PXK: variants seen among roughly 807,000 people sequenced by gnomAD.
PXK encodes PX domain-containing protein kinase-like protein.
PXK carries 35 observed loss-of-function variants against 84.7 expected under a neutral mutation model. The ratio of observed to expected loss-of-function variants is 0.41; its 90% CI spans 0.32 to 0.55. The LOEUF (loss-of-function observed/expected upper bound fraction) is 0.55. Ranked by LOEUF, PXK falls within the 20% of genes least tolerant of loss-of-function variation. PXK has a pLI of 0.21. For missense variants in PXK, 634 were observed against 699.7 expected, an observed-to-expected ratio of 0.91 and a Z score of 1.06; for synonymous variants, 253 against 260.8, an observed-to-expected ratio of 0.97 and a Z score of 0.29.
intron 1 of PXK, among the ~76,000 whole-genome samples, chr3:58,342,634 C>CAAAAAAAAA (rs71091369): frequency 6.2e-5 from 7 of 113,468 alleles, no homozygotes; most frequent in East Asian, 3.0e-4. Context: ...GACTCTGTCT[C>CAAAAAAAAA]AAAAAAAAAA....
rs1461003699 is a variant in PXK at position 58,397,419 on chromosome 3, G to A, written c.985-186G>A. Reference sequence around the variant, plus strand: ...ACTCACTGATTGGAAAACTGTGGAGGGTCGGACCAAGACCTTTGGGATACC... The same window carrying A: ...ACTCACTGATTGGAAAACTGTGGAGAGTCGGACCAAGACCTTTGGGATACC... On this transcript the variant is annotated intron_variant, in intron 10 of 17. Transcript: ENST00000356151. This position sits in a 1 kb window ranked among gnomAD's most constrained non-coding sequence, Gnocchi z 4.7. 6.6e-6 allele frequency among the ~76,000 whole-genome samples: 1 copy of A among 152,090 alleles called. No individual in the cohort carries two copies. The highest frequency in any genetic ancestry group is 1.5e-5 in the Non-Finnish European group (1 of 68,024).
Position 58,399,451 on chromosome 3 carries a change from G to T in PXK, c.1181+74G>T. On this transcript the variant is annotated intron_variant, in intron 12 of 17. Transcript: ENST00000356151. This position sits in a 1 kb window ranked among gnomAD's most constrained non-coding sequence, Gnocchi z 4.3. ...ACCAGACCACTGTGTCCAAGCACCT[G>T]GTACTGTAGTAAAGATTCTTGCGGT... 1 of 1,458,452 alleles carries T rather than the reference G, an allele frequency of 6.9e-7. No homozygotes were observed. Among genetic ancestry groups the T allele is most frequent in the Non-Finnish European group, 9.5e-7 (1 of 1,047,212 alleles). 90.3% of individuals were successfully genotyped at this position (1,458,452 alleles called of 1,614,324 possible). A position where few individuals can be genotyped will look rare whatever the true frequency, so the allele number is the denominator to read the frequency against.
At chr3:58,387,439 A>G (rs1320440807) in intron 4 of PXK, among the ~76,000 whole-genome samples, 1 of 152,196 alleles carries the variant, frequency 6.6e-6, no homozygotes, top group Non-Finnish European at 1.5e-5. Flanking sequence ...TAATTTCCCC[A>G]GTTCCTACTC....
At chr3:58,367,121 A>G (rs768842350) in intron 2 of PXK, among the ~76,000 whole-genome samples, 1 of 152,144 alleles carries the variant, frequency 6.6e-6, no homozygotes, top group Non-Finnish European at 1.5e-5. Flanking sequence ...CAGATTTTCA[A>G]TGGGTGGGGT....
intron 3 of PXK, among the ~76,000 whole-genome samples, chr3:58,369,921 T>C (rs937772878): frequency 1.1e-4 from 16 of 152,052 alleles, no homozygotes; most frequent in African/African-American, 3.9e-4. Flanking sequence ...TCATACTTTA[T>C]ACAGATGATG....
intron 1 of PXK, among the ~76,000 whole-genome samples, chr3:58,357,137 G>A (rs2098100157): frequency 6.6e-6 from 1 of 151,718 alleles, no homozygotes; most frequent in South Asian, 2.1e-4. Flanking sequence ...AAATTAGCCG[G>A]GCGTGGCGGC....
intron 1 of PXK, among the ~76,000 whole-genome samples, chr3:58,342,634 C>CAAAAA (rs71091369): frequency 0.2 from 21,836 of 111,606 alleles, 2,493 homozygotes; most frequent in East Asian, 0.67. Flanking sequence ...GACTCTGTCT[C>CAAAAA]AAAAAAAAAA....
At chr3:58,422,972 C>T in intron 17 of PXK, 1 of 985,402 alleles carries the variant, frequency 1.0e-6, no homozygotes, top group Non-Finnish European at 1.2e-6. Context: ...ATATCAAGTC[C>T]AGATTCCACT....
Position 58,421,934 on chromosome 3 carries a change from G to A in PXK, c.1529-2818G>A, listed in dbSNP as rs983467251. On this transcript the variant is annotated intron_variant, in intron 17 of 17. Transcript: ENST00000356151. The surrounding 1 kb of genome is among the most constrained non-coding windows in gnomAD (Gnocchi z 5.5). ...ACATGGAATCGGTCTGCTCTCATAT[G>A]TGGCCTGGAGATAAGGGTATTGGAG... 5.1e-6 allele frequency: 5 copies of A among 985,292 alleles called. No individual in the cohort carries two copies. In the African/African-American group the frequency reaches 8.7e-5, roughly 17 times the overall value. The allele number at this position is 985,292 out of a possible 1,614,324, so 61.0% of individuals were successfully genotyped here.
At chr3:58,335,986 C>T (rs1442688109) in intron 1 of PXK, among the ~76,000 whole-genome samples, 1 of 139,006 alleles carries the variant, frequency 7.2e-6, no homozygotes, top group African/African-American at 2.7e-5. Flanking sequence ...CAAGCAAGCT[C>T]ATTTCTGTCC....
Position 58,401,155 on chromosome 3 carries a change from T to G in PXK, c.1181+1778T>G, listed in dbSNP as rs952679930. 6.6e-6 allele frequency among the ~76,000 whole-genome samples: 1 copy of G among 152,184 alleles called. No homozygotes were observed. Among genetic ancestry groups the G allele is most frequent in the African/African-American group, 2.4e-5 (1 of 41,448 alleles). On this transcript the variant is annotated intron_variant, in intron 12 of 17. Transcript: ENST00000356151. This position sits in a 1 kb window ranked among gnomAD's most constrained non-coding sequence, Gnocchi z 4.4. ...CCTAAGTCTTTCTACGATGTGGGCT[T>G]CAGCTATGAGAAGAGCTCCTGGACA...
intron 12 of PXK, among the ~76,000 whole-genome samples, chr3:58,402,486 G>A (rs1004853495): frequency 8.0e-5 from 12 of 150,850 alleles, no homozygotes; most frequent in Admixed American, 2.6e-4. Flanking sequence ...CTGGAGTGCA[G>A]TGGTGTGATC....
intron 1 of PXK, among the ~76,000 whole-genome samples, chr3:58,352,213 G>A (rs1164630783): frequency 6.6e-6 from 1 of 152,116 alleles, no homozygotes; most frequent in Non-Finnish European, 1.5e-5. Context: ...GTTCCAGAAG[G>A]GCTCCCAGGG....
chr3:58,403,793 C>A, intron 12 of PXK, 69 bp from the exon 13 acceptor site: 1 of 1,039,772 alleles, frequency 9.6e-7, no homozygotes, highest in South Asian at 1.9e-5. Flanking sequence ...GTGTCTTAAT[C>A]TGCTTTCATC....
rs996946108 is a variant in PXK, at chr3:58,396,932, A to T, written c.823-107A>T. On this transcript the variant is annotated intron_variant, in intron 9 of 17. Coordinates refer to ENST00000356151, the MANE Select transcript of PXK (RefSeq NM_017771.5). ...TTTTTCTTCAGGAATCTTCTCAGTG[A>T]CCTGTTTGGTTTTGTTTCAAAATAT... 4.2e-6 allele frequency: 5 copies of T among 1,183,818 alleles called. No individual in the cohort carries two copies. The African/African-American group carries it at 7.7e-5, about 18-fold the overall frequency. 73.3% of individuals were successfully genotyped at this position (1,183,818 alleles called of 1,614,324 possible).
In PXK at chr3:58,370,955, A is replaced by G. The variant is rs895048076; in HGVS notation, c.201+1477A>G. On this transcript the variant is annotated intron_variant, in intron 3 of 17. Transcript: ENST00000356151. This position sits in a 1 kb window ranked among gnomAD's most constrained non-coding sequence, Gnocchi z 4.2. ...GGAGGTTGCAGTGAGCCAAGAATGC[A>G]CCACGTTGCACTGCATCCTGGGCAA... 6.6e-6 allele frequency among the ~76,000 whole-genome samples: 1 copy of G among 152,230 alleles called. No homozygotes were observed. The highest frequency in any genetic ancestry group is 2.4e-5 in the African/African-American group (1 of 41,466).
chr3:58,348,430 C>T (rs902886997), intron 1 of PXK, among the ~76,000 whole-genome samples: 2 of 152,104 alleles, frequency 1.3e-5, no homozygotes, highest in African/African-American at 4.8e-5. Flanking sequence ...GGAGTTAATT[C>T]ACTACATACG....
chr3:58,393,712 A>G (rs2098654050), intron 7 of PXK, among the ~76,000 whole-genome samples: 2 of 152,334 alleles, frequency 1.3e-5, no homozygotes, highest in South Asian at 4.1e-4. Context: ...TCTTAAGGTA[A>G]ATACCTATAA....
intron 4 of PXK, among the ~76,000 whole-genome samples, chr3:58,386,478 G>A (rs2098552891): frequency 6.6e-6 from 1 of 151,358 alleles, no homozygotes. Context: ...TGTATTTTTA[G>A]TAGAGATGGG....
Sources: allele counts gnomAD v4.1 joint callset (sites outside exome capture counted in the v4.1 genomes callset), GRCh38; gene constraint gnomAD v4.1.1; non-coding constraint Gnocchi (gnomAD v3.1); transcripts MANE v1.5; gene names NCBI Gene and HGNC (gene_info 2026-07-23, HGNC 2026-07-21).